NF2: variants seen among roughly 807,000 people sequenced by gnomAD.
NF2 encodes merlin.
Under a neutral mutation model 83.7 loss-of-function variants are expected in NF2, and 8 were observed. The ratio of observed to expected loss-of-function variants is 0.10; its 90% CI spans 0.06 to 0.17. NF2 has a LOEUF of 0.17. Among genes scored for constraint, NF2 ranks in the 10% least tolerant of loss-of-function variants. The pLI, the probability that NF2 is intolerant of heterozygous loss-of-function variation, is 1.00. For missense variants in NF2, 533 were observed against 744.4 expected, an observed-to-expected ratio of 0.72 and a Z score of 3.31; for synonymous variants, 266 against 269.6, an observed-to-expected ratio of 0.99 and a Z score of 0.13.
chr22:29,608,203 A>T (rs919038952), intron 1 of NF2, among the ~76,000 whole-genome samples: 1 of 150,042 alleles, frequency 6.7e-6, no homozygotes, highest in African/African-American at 2.4e-5. Context: ...AAAAAGTACA[A>T]TAACAAATTT....
chr22:29,688,103 C>T (rs1279883140), intron 15 of NF2, among the ~76,000 whole-genome samples: 1 of 152,194 alleles, frequency 6.6e-6, no homozygotes, highest in African/African-American at 2.4e-5. Context: ...AAGACTGTAT[C>T]GGCCTCTTCT....
At chr22:29,615,504 G>A (rs919597706) in intron 1 of NF2, among the ~76,000 whole-genome samples, 6 of 152,250 alleles carry the variant, frequency 3.9e-5, no homozygotes, top group African/African-American at 1.4e-4. Flanking sequence ...GCCTGGGAGA[G>A]GCTATAGTGA....
intron 1 of NF2, among the ~76,000 whole-genome samples, chr22:29,629,484 A>G (rs541362763): frequency 1.1e-4 from 16 of 152,356 alleles, no homozygotes; most frequent in African/African-American, 3.6e-4. Flanking sequence ...AGTCTCCTAT[A>G]AACCTGTTCT....
intron 3 of NF2, among the ~76,000 whole-genome samples, chr22:29,641,185 C>CG (rs386395179): frequency 6.6e-6 from 1 of 150,778 alleles, no homozygotes; most frequent in African/African-American, 2.4e-5. Flanking sequence ...TTTTTCCCCC[C>CG]TCTCTTTGGA....
At chr22:29,635,747 T>C (rs1215923164) in intron 1 of NF2, among the ~76,000 whole-genome samples, 1 of 152,204 alleles carries the variant, frequency 6.6e-6, no homozygotes, top group Non-Finnish European at 1.5e-5. Context: ...GTGGTCTCAT[T>C]TTTCCCATGT....
At chr22:29,660,150 C>T (rs897155187) in intron 7 of NF2, among the ~76,000 whole-genome samples, 1 of 152,140 alleles carries the variant, frequency 6.6e-6, no homozygotes, top group African/African-American at 2.4e-5. Context: ...ACAGCACTGG[C>T]GGGTGGACCT....
intron 1 of NF2, among the ~76,000 whole-genome samples, chr22:29,632,152 T>G (rs939711103): frequency 2.0e-5 from 3 of 151,894 alleles, no homozygotes; most frequent in African/African-American, 7.3e-5. Context: ...TTTTATTTTG[T>G]TTTTTTTGTT....
At chr22:29,686,819 C>T (rs753849375) in intron 15 of NF2, among the ~76,000 whole-genome samples, 3 of 152,084 alleles carry the variant, frequency 2.0e-5, no homozygotes, top group East Asian at 1.9e-4. Context: ...GCAGTGCTAG[C>T]GATCAAAAGC....
chr22:29,675,033 G>A, intron 13 of NF2, 92 bp downstream of exon 13: 1 of 1,112,268 alleles, frequency 9.0e-7, no homozygotes, highest in Non-Finnish European at 1.3e-6. Flanking sequence ...GTGCCTTCAG[G>A]GTGACCATTC....
In NF2 at chr22:29,636,720, A is replaced by C. The variant is rs749449561; in HGVS notation, c.115-31A>C. Reference sequence around the variant, plus strand: ...GGTTTTATTAATGATTTTTGCTCACAGTGTCCTTCCCCATTGGTTTGTTAT... The same window carrying C: ...GGTTTTATTAATGATTTTTGCTCACCGTGTCCTTCCCCATTGGTTTGTTAT... On this transcript the variant is annotated intron_variant, in intron 1 of 15. Transcript: ENST00000338641. This position sits in a 1 kb window ranked among gnomAD's most constrained non-coding sequence, Gnocchi z 4.4. 4.3e-6 allele frequency: 7 copies of C among 1,614,022 alleles called. No individual in the cohort carries two copies. The highest frequency in any genetic ancestry group is 1.6e-4 in the Middle Eastern group (1 of 6,064).
rs973899980 is a variant in NF2, at chr22:29,614,618, G to A, written c.114+10506G>A. 1.3e-4 allele frequency among the ~76,000 whole-genome samples: 20 copies of A among 151,804 alleles called. 3 individuals carry two copies. Among genetic ancestry groups the A allele is most frequent in the Admixed American group, 1.2e-3 (18 of 15,234 alleles). On this transcript the variant is annotated intron_variant, in intron 1 of 15. Coordinates refer to ENST00000338641, the MANE Select transcript of NF2 (RefSeq NM_000268.4). ...AAAAATTAGCTGGGCATGGTGGCGG[G>A]CACCTGTAATCACAGCTACTTGGGA...
chr22:29,672,542 G>A (rs1436197126), intron 11 of NF2, among the ~76,000 whole-genome samples: 2 of 151,954 alleles, frequency 1.3e-5, no homozygotes, highest in African/African-American at 2.4e-5. Context: ...TCGAACTCCT[G>A]ACCTCGTGAT....
intron 1 of NF2, among the ~76,000 whole-genome samples, chr22:29,613,316 G>A (rs1195858184): frequency 6.6e-6 from 1 of 152,100 alleles, no homozygotes; most frequent in African/African-American, 2.4e-5. Context: ...GATCACTTGA[G>A]GACAGGAGTT....
Position 29,696,824 on chromosome 22 carries a change from GTTTTTTTTTT to G in NF2, c.*2023_*2032del, listed in dbSNP as rs2067565398. Reference sequence around the variant, plus strand: ...TTTTTTTTTTTCTGTTTCTGTTTCTGTTTTTTTTTTGAGATGGAGTCTCGCTCTGTCGCCC... The same window carrying G: ...TTTTTTTTTTTCTGTTTCTGTTTCTGGAGATGGAGTCTCGCTCTGTCGCCC... On this transcript the variant is annotated 3_prime_UTR_variant, in exon 16 of 16. Coordinates refer to ENST00000338641, the MANE Select transcript of NF2 (RefSeq NM_000268.4). The G allele has an allele frequency of 1.2e-5, 2 of 162,774 alleles. No individual in the cohort carries two copies. Among genetic ancestry groups the G allele is most frequent in the African/African-American group, 5.2e-5 (2 of 38,570 alleles). The allele number at this position is 162,774 out of a possible 1,614,324, so 10.1% of individuals were successfully genotyped here.
intron 12 of NF2, among the ~76,000 whole-genome samples, chr22:29,674,316 T>A (rs2066896309): frequency 6.6e-6 from 1 of 152,180 alleles, no homozygotes; most frequent in Non-Finnish European, 1.5e-5. Context: ...CTGAGCCCCA[T>A]AGGATGAGGA....
At chr22:29,683,275 C>T (rs1357885937) in intron 15 of NF2, 48 of 1,470,114 alleles carry the variant, frequency 3.3e-5, no homozygotes, top group Non-Finnish European at 4.0e-5. Context: ...CAGAAGACTG[C>T]CTCGTTCCGA....
At chr22:29,642,759 T>C (rs2065846989) in intron 4 of NF2, among the ~76,000 whole-genome samples, 1 of 152,148 alleles carries the variant, frequency 6.6e-6, no homozygotes. Context: ...GCCCAGGTCC[T>C]CACTCCAAAC....
At chr22:29,607,422 C>T (rs1199460136) in intron 1 of NF2, among the ~76,000 whole-genome samples, 1 of 152,086 alleles carries the variant, frequency 6.6e-6, no homozygotes, top group Non-Finnish European at 1.5e-5. Context: ...GTGAGCATAC[C>T]CAAAGCTGCA....
intron 1 of NF2, among the ~76,000 whole-genome samples, chr22:29,625,098 T>G (rs2065329412): frequency 6.6e-6 from 1 of 151,890 alleles, no homozygotes; most frequent in Non-Finnish European, 1.5e-5. Context: ...GCCACTAATT[T>G]TTGTATTTTT....
Sources: allele counts gnomAD v4.1 joint callset (sites outside exome capture counted in the v4.1 genomes callset), GRCh38; gene constraint gnomAD v4.1.1; non-coding constraint Gnocchi (gnomAD v3.1); transcripts MANE v1.5; gene names NCBI Gene and HGNC (gene_info 2026-07-23, HGNC 2026-07-21).